TLCD4: variants seen among roughly 807,000 people sequenced by gnomAD.
TLCD4 encodes the protein TLC domain-containing protein 4.
In TLCD4, 7 loss-of-function variants were observed where a neutral mutation model predicts 24.2. The observed-to-expected ratio is 0.29, with a 90% CI of 0.16 to 0.54. The LOEUF (loss-of-function observed/expected upper bound fraction) is 0.54. Among genes scored for constraint, TLCD4 ranks in the 20% least tolerant of loss-of-function variants. TLCD4 has a pLI of 0.95. For synonymous variants in TLCD4, 103 were observed against 106.4 expected (o/e 0.97, Z 0.20); for missense variants, 259 against 313.9 (o/e 0.82, Z 1.32).
At chr1:95,180,279 A>G (rs1678587545) in intron 6 of TLCD4, among the ~76,000 whole-genome samples, 1 of 152,246 alleles carries the variant, frequency 6.6e-6, no homozygotes, top group African/African-American at 2.4e-5. Context: ...TAGAGAAATT[A>G]TAAAATTAGA....
At chr1:95,105,602 G>A in the TLCD4 span, among the ~76,000 whole-genome samples, 4 of 152,098 alleles carry the variant, frequency 2.6e-5, no homozygotes, top group Non-Finnish European at 5.9e-5. Flanking sequence ...TAATTAGAAA[G>A]GATGAGTGCA....
chr1:95,093,079 C>G, the TLCD4 span, among the ~76,000 whole-genome samples: 5 of 152,194 alleles, frequency 3.3e-5, no homozygotes, highest in Non-Finnish European at 7.3e-5. Context: ...CTAAAGAAAC[C>G]ACAAATCTGA....
At position 95,197,308 on chromosome 1, in the gene TLCD4, A is replaced by G. The variant is rs1334089717; in HGVS notation, c.*5440A>G. On this transcript the variant is annotated 3_prime_UTR_variant, in exon 7 of 7. Transcript: ENST00000370203. ...GGTTGTTTTATTTGGAGGGATAATA[A>G]ATGTCTAAGTTATTTCCATTAAAAT... 6.6e-6 allele frequency: 1 copy of G among 152,154 alleles called. No homozygotes were observed. The highest frequency in any genetic ancestry group is 2.4e-5 in the African/African-American group (1 of 41,444). 9.4% of individuals were successfully genotyped at this position (152,154 alleles called of 1,614,324 possible). A position where few individuals can be genotyped will look rare whatever the true frequency, so the allele number is the denominator to read the frequency against.
intron 1 of TLCD4, among the ~76,000 whole-genome samples, chr1:95,137,560 T>A (rs1677079770): frequency 6.6e-6 from 1 of 152,128 alleles, no homozygotes; most frequent in African/African-American, 2.4e-5. Context: ...AGTGATCGTG[T>A]TTTGGTGGGG....
At chr1:95,135,721 G>A (rs939722997) in intron 1 of TLCD4, among the ~76,000 whole-genome samples, 4 of 151,712 alleles carry the variant, frequency 2.6e-5, no homozygotes, top group Non-Finnish European at 5.9e-5. Flanking sequence ...AAATGTTCAA[G>A]GAATGCTCTC....
At chr1:95,114,740 GATCTGAAACTGGA>G (rs1304777170), upstream of TLCD4, among the ~76,000 whole-genome samples, 4 of 151,888 alleles carry the variant, frequency 2.6e-5, no homozygotes, top group East Asian at 1.9e-4. Context: ...TGAAGCACGA[GATCTGAAACTGGA>G]AGGCGGAGGT....
At position 95,191,592 on chromosome 1, in the gene TLCD4, T is replaced by A. The variant is rs762642472; in HGVS notation, c.516T>A (p.Ala172=). 6.2e-7 allele frequency: 1 copy of A among 1,613,780 alleles called. No individual in the cohort carries two copies. The highest frequency in any genetic ancestry group is 1.7e-5 in the Admixed American group (1 of 59,974). The change falls in exon 7 of 7, where the codon GCT becomes GCA. Residue 172 remains alanine (A), a synonymous_variant. Transcript: ENST00000370203. Reference sequence around the variant, plus strand: ...TGAAGTATCCCAAGTTTTCTAAAGCTATCGTTATCAATGGAATACTCATGA... The same window carrying A: ...TGAAGTATCCCAAGTTTTCTAAAGCAATCGTTATCAATGGAATACTCATGA... ...EALKYPKFSK[A]IVINGILMTV...
intron 5 of TLCD4, among the ~76,000 whole-genome samples, chr1:95,166,160 C>T (rs1299787027): frequency 6.6e-6 from 1 of 152,144 alleles, no homozygotes; most frequent in African/African-American, 2.4e-5. Flanking sequence ...GCTGCTTACA[C>T]TTCTCACTAT....
At chr1:95,124,508 TACGATGCCATCTCATATC>T (rs1412756471) in intron 1 of TLCD4, among the ~76,000 whole-genome samples, 1 of 152,168 alleles carries the variant, frequency 6.6e-6, no homozygotes, top group African/African-American at 2.4e-5. Context: ...GACTTTGCCT[TACGATGCCATCTCATATC>T]ATGTTGCCCA....
chr1:95,112,790 T>C (rs1388667009), upstream of TLCD4, among the ~76,000 whole-genome samples: 1 of 152,210 alleles, frequency 6.6e-6, no homozygotes, highest in African/African-American at 2.4e-5. Flanking sequence ...AGTTGTGTGT[T>C]TGGGCATTGG....
At chr1:95,173,574 C>T (rs1678309853) in intron 5 of TLCD4, among the ~76,000 whole-genome samples, 1 of 152,202 alleles carries the variant, frequency 6.6e-6, no homozygotes. Flanking sequence ...TAAGTGGACA[C>T]TGTATACATA....
chr1:95,121,090 T>C (rs1676555481), intron 1 of TLCD4: 1 of 152,158 alleles, frequency 6.6e-6, no homozygotes, highest in South Asian at 2.1e-4. Context: ...ATGGGACAGA[T>C]GCAGAAGAGG....
rs1679159663 is a variant in TLCD4, at chr1:95,195,265, A to G, written c.*3397A>G. The G allele has an allele frequency of 6.6e-6, 1 of 152,176 alleles. No homozygotes were observed. Among genetic ancestry groups the G allele is most frequent in the South Asian group, 2.1e-4 (1 of 4,826 alleles). The allele number at this position is 152,176 out of a possible 1,614,324, so 9.4% of individuals were successfully genotyped here. A position where few individuals can be genotyped will look rare whatever the true frequency, so the allele number is the denominator to read the frequency against. On this transcript the variant is annotated 3_prime_UTR_variant, in exon 7 of 7. Transcript: ENST00000370203. ...ACTGTTGGTTGCACCATCTGTTATC[A>G]GGCATGCAGAAACATTTTTCTTCTG...
At chr1:95,173,692 CTTCTTGATCTGTT>C in intron 5 of TLCD4, 111 bp from the exon 6 acceptor site, 1 of 1,234,020 alleles carries the variant, frequency 8.1e-7, no homozygotes, top group African/African-American at 1.5e-5. Context: ...AGGTAGAAAA[CTTCTTGATCTGTT>C]TTGGTATTGA....
intron 1 of TLCD4, among the ~76,000 whole-genome samples, chr1:95,121,871 G>A (rs1264569911): frequency 1.3e-5 from 2 of 152,248 alleles, no homozygotes; most frequent in African/African-American, 4.8e-5. Context: ...TGTAGCCTTT[G>A]GGGGTCATCT....
intron 2 of TLCD4, among the ~76,000 whole-genome samples, chr1:95,147,994 C>T (rs1677395026): frequency 6.6e-6 from 1 of 152,152 alleles, no homozygotes; most frequent in South Asian, 2.1e-4. Context: ...TGACCTGGAT[C>T]TTGAGAACAT....
At position 95,196,121 on chromosome 1, in the gene TLCD4, A is replaced by G. The variant is rs1679196564; in HGVS notation, c.*4253A>G. The G allele has an allele frequency of 6.6e-6, 1 of 152,244 alleles. No individual in the cohort carries two copies. The highest frequency in any genetic ancestry group is 2.4e-5 in the African/African-American group (1 of 41,476). The allele number at this position is 152,244 out of a possible 1,614,324, so 9.4% of individuals were successfully genotyped here. A position where few individuals can be genotyped will look rare whatever the true frequency, so the allele number is the denominator to read the frequency against. On this transcript the variant is annotated 3_prime_UTR_variant, in exon 7 of 7. Transcript: ENST00000370203. ...GCATTTAATAATAACTGTTTACAAC[A>G]TGAGGCAAAGCTAATAATGTTATGG...
At chr1:95,189,977 C>T (rs1195822918) in intron 6 of TLCD4, among the ~76,000 whole-genome samples, 4 of 152,172 alleles carry the variant, frequency 2.6e-5, no homozygotes, top group Admixed American at 2.6e-4. Flanking sequence ...TTCCTAGCAG[C>T]AATGAATGTG....
intron 6 of TLCD4, among the ~76,000 whole-genome samples, chr1:95,190,101 T>G (rs1367067842): frequency 4.6e-5 from 7 of 151,960 alleles, no homozygotes. Context: ...ACTTTCTTTT[T>G]TTTTTTTTTC....
Sources: gnomAD v4.1 joint callset for allele counts (sites outside exome capture counted in the v4.1 genomes callset) on GRCh38, gnomAD v4.1.1 for gene constraint, MANE v1.5 for transcripts, NCBI Gene and HGNC (gene_info 2026-07-23, HGNC 2026-07-21) for gene names.